Variants in CTNNA2 observed in about 807,000 individuals in gnomAD.
CTNNA2 encodes catenin alpha-2.
Under a neutral mutation model 101.0 loss-of-function variants are expected in CTNNA2, and 42 were observed. The ratio of observed to expected loss-of-function variants is 0.42; its 90% CI spans 0.32 to 0.54. The LOEUF is 0.54. Ranked by LOEUF, CTNNA2 falls within the 20% of genes least tolerant of loss-of-function variation. The pLI is 0.14. For synonymous variants in CTNNA2, 450 were observed against 456.4 expected (o/e 0.99, Z 0.18); for missense variants, 871 against 1,223.1 (o/e 0.71, Z 4.29).
At chr2:79,885,459 T>C (rs1683787047) in intron 6 of CTNNA2, among the ~76,000 whole-genome samples, 1 of 152,214 alleles carries the variant, frequency 6.6e-6, no homozygotes, top group Non-Finnish European at 1.5e-5. Context: ...TATTGACTTA[T>C]GATTTCTTCA....
intron 3 of CTNNA2, among the ~76,000 whole-genome samples, chr2:79,744,806 A>C (rs1033202983): frequency 6.6e-6 from 1 of 152,286 alleles, no homozygotes; most frequent in Non-Finnish European, 1.5e-5. Context: ...TGTTACGTCA[A>C]ATCTTCAAGA....
intron 7 of CTNNA2, among the ~76,000 whole-genome samples, chr2:79,991,846 G>T (rs1444811916): frequency 6.6e-6 from 1 of 152,112 alleles, no homozygotes; most frequent in Non-Finnish European, 1.5e-5. Context: ...GCCACAGTCT[G>T]CTTGTTGATT....
intron 7 of CTNNA2, among the ~76,000 whole-genome samples, chr2:80,379,332 A>G (rs995568246): frequency 6.6e-6 from 1 of 152,206 alleles, no homozygotes; most frequent in Non-Finnish European, 1.5e-5. Context: ...TGACAATAAC[A>G]GTCAAAGAAT....
intron 2 of CTNNA2, among the ~76,000 whole-genome samples, chr2:79,710,150 G>T (rs1386754938): frequency 6.6e-6 from 1 of 151,936 alleles, no homozygotes; most frequent in African/African-American, 2.4e-5. Context: ...CTTTGAGCCT[G>T]TCAGCTTCTG....
chr2:79,775,274 C>T (rs1280484964), intron 3 of CTNNA2, among the ~76,000 whole-genome samples: 1 of 152,134 alleles, frequency 6.6e-6, no homozygotes, highest in African/African-American at 2.4e-5. Context: ...AAATGGACAG[C>T]TGTATGTCTA....
chr2:80,025,001 T>A (rs1043792340), intron 7 of CTNNA2, among the ~76,000 whole-genome samples: 19 of 152,190 alleles, frequency 1.2e-4, no homozygotes, highest in African/African-American at 3.9e-4. Flanking sequence ...GGGAAGATAA[T>A]CTTCCCCTCG....
chr2:79,549,571 C>T (rs1272781206), intron 1 of CTNNA2, among the ~76,000 whole-genome samples: 1 of 152,100 alleles, frequency 6.6e-6, no homozygotes, highest in African/African-American at 2.4e-5. Flanking sequence ...AACTCTTTTC[C>T]AGTATTTTGG....
At chr2:79,267,213 T>C (rs1375879080) in intron 2 of CTNNA2, among the ~76,000 whole-genome samples, 1 of 152,080 alleles carries the variant, frequency 6.6e-6, no homozygotes, top group African/African-American at 2.4e-5. Context: ...AGGAAAAGAC[T>C]TCATTGAGAT....
intron 7 of CTNNA2, among the ~76,000 whole-genome samples, chr2:80,297,987 G>T (rs990044766): frequency 2.0e-4 from 31 of 151,524 alleles, no homozygotes; most frequent in African/African-American, 7.5e-4. Flanking sequence ...GTGTGTGTGT[G>T]GTTATATATG....
chr2:79,635,590 G>A (rs1333960507), intron 1 of CTNNA2, among the ~76,000 whole-genome samples: 4 of 146,134 alleles, frequency 2.7e-5, no homozygotes, highest in African/African-American at 1.0e-4. Context: ...TGCAACCTCT[G>A]CCTCCCAGGC....
At chr2:79,810,489 T>G (rs1189651941) in intron 3 of CTNNA2, among the ~76,000 whole-genome samples, 1 of 151,824 alleles carries the variant, frequency 6.6e-6, no homozygotes, top group Non-Finnish European at 1.5e-5. Context: ...ACTATCCTTT[T>G]GCCATTGAAT....
At chr2:80,291,352 C>T (rs1297040283) in intron 7 of CTNNA2, among the ~76,000 whole-genome samples, 1 of 152,154 alleles carries the variant, frequency 6.6e-6, no homozygotes, top group Non-Finnish European at 1.5e-5. Flanking sequence ...CACTACAGAC[C>T]TAAGAAAGAA....
intron 1 of CTNNA2, among the ~76,000 whole-genome samples, chr2:79,545,680 A>G (rs1173483281): frequency 6.6e-6 from 1 of 152,198 alleles, no homozygotes; most frequent in African/African-American, 2.4e-5. Flanking sequence ...ATGAATCCAT[A>G]CACCCACTAG....
intron 3 of CTNNA2, among the ~76,000 whole-genome samples, chr2:79,750,257 T>C (rs959296582): frequency 6.6e-6 from 1 of 152,176 alleles, no homozygotes; most frequent in African/African-American, 2.4e-5. Flanking sequence ...TATGCACTAA[T>C]TGAGGGGTTC....
chr2:79,195,841 A>C (rs1247456148), intron 1 of CTNNA2: 1 of 513,252 alleles, frequency 1.9e-6, no homozygotes, highest in East Asian at 5.5e-5. Context: ...ATATCACTCA[A>C]TGAAAGTTCT....
At chr2:79,700,577 A>C (rs76192105) in intron 2 of CTNNA2, among the ~76,000 whole-genome samples, 13,387 of 152,176 alleles carry the variant, frequency 0.088, 651 homozygotes, top group South Asian at 0.13. Context: ...TGGCAACAAC[A>C]ACAACAAAAA....
chr2:79,836,261 G>A (rs919080568), intron 3 of CTNNA2, among the ~76,000 whole-genome samples: 6 of 152,156 alleles, frequency 3.9e-5, no homozygotes, highest in African/African-American at 1.4e-4. Flanking sequence ...GCAGTCATTA[G>A]AGACGCTTGA....
chr2:80,340,415 T>C (rs1672121283), intron 7 of CTNNA2, among the ~76,000 whole-genome samples: 1 of 152,248 alleles, frequency 6.6e-6, no homozygotes, highest in Non-Finnish European at 1.5e-5. Context: ...TTTTGATTGC[T>C]GTGAATACCC....
Position 80,510,686 on chromosome 2 carries a change from G to A in CTNNA2, c.1291-34296G>A, listed in dbSNP as rs184409561. Among the ~76,000 whole-genome samples, 32 of 152,274 alleles carry A rather than the reference G, an allele frequency of 2.1e-4. No individual in the cohort carries two copies. In the East Asian group the frequency reaches 6.0e-3, roughly 28 times the overall value. On this transcript the variant is annotated intron_variant, in intron 9 of 18. Coordinates refer to ENST00000402739, the MANE Select transcript of CTNNA2 (RefSeq NM_001282597.3). ...GTTATAGTGGCATTTGCCATTGAAA[G>A]TAAATCAATTTTCAGGCAAGAAACC...
Sources: gnomAD v4.1 joint callset for allele counts (sites outside exome capture counted in the v4.1 genomes callset) on GRCh38, gnomAD v4.1.1 for gene constraint, MANE v1.5 for transcripts, NCBI Gene and HGNC (gene_info 2026-07-23, HGNC 2026-07-21) for gene names.